COL24A1: variants seen among roughly 807,000 people sequenced by gnomAD.
COL24A1 encodes the protein collagen alpha-1(XXIV) chain.
A neutral mutation model predicts 253.9 loss-of-function variants in COL24A1; 224 were observed. The ratio of observed to expected loss-of-function variants is 0.88; its 90% CI spans 0.79 to 0.99. The LOEUF is 0.99. Ranked by LOEUF, COL24A1 falls within the 50% of genes least tolerant of loss-of-function variation. The pLI, the probability that COL24A1 is intolerant of heterozygous loss-of-function variation, is 0.00. For missense variants in COL24A1, 2,131 were observed against 2,068.5 expected (o/e 1.03, Z -0.59); for synonymous variants, 685 against 673.7 (o/e 1.02, Z -0.26).
chr1:85,896,535 GC>G lies in COL24A1; in HGVS notation c.2779-127del. The G allele has an allele frequency of 5.3e-6, 4 of 755,886 alleles. No individual in the cohort carries two copies. In the Middle Eastern group the frequency reaches 1.1e-3, roughly 203 times the overall value. The allele number at this position is 755,886 out of a possible 1,614,324, so 46.8% of individuals were successfully genotyped here. On this transcript the variant is annotated intron_variant, in intron 28 of 59. Transcript: ENST00000370571. ...TTTTGAGACGGAGTCTCACTCTGTCGCCCAGGCTGGAGTGCAGTGGCGCGTC... is the reference window on the plus strand; with the variant it reads ...TTTTGAGACGGAGTCTCACTCTGTCGCCAGGCTGGAGTGCAGTGGCGCGTC...
rs528032845 is a variant in COL24A1 at position 85,870,587 on chromosome 1, C to T, written c.3139-1752G>A. Among the ~76,000 whole-genome samples the T allele has an allele frequency of 5.3e-5, 8 of 152,278 alleles. No individual in the cohort carries two copies. In the East Asian group the frequency reaches 1.5e-3, roughly 29 times the overall value. On this transcript the variant is annotated intron_variant, in intron 35 of 59. Transcript: ENST00000370571. Reference sequence around the variant, plus strand: ...CACATGGAAACTGAACAACCTGCTCCTGAATGACTACTGGGTACATAACGA... The same window carrying T: ...CACATGGAAACTGAACAACCTGCTCTTGAATGACTACTGGGTACATAACGA...
chr1:85,869,519 C>A (rs1680181391), intron 35 of COL24A1, among the ~76,000 whole-genome samples: 1 of 152,172 alleles, frequency 6.6e-6, no homozygotes, highest in Non-Finnish European at 1.5e-5. Context: ...CTCTAGAAGC[C>A]AGAAGAGAGT....
rs545539994 is a variant in COL24A1 at position 85,783,535 on chromosome 1, A to G, written c.4245T>C (p.Ile1415=). ...GPKGPEGDAG[I]VGISGPKGPI... ...GACCTTTAGGACCTGATATCCCAAC[A>G]ATGCCAGCATCCCCTTCAGGACCCT... The change falls in exon 51 of 60, where the codon ATT becomes ATC. Residue 1415 remains isoleucine, a synonymous_variant. Transcript: ENST00000370571. The G allele has an allele frequency of 1.2e-6, 2 of 1,613,510 alleles. No individual in the cohort carries two copies. The highest frequency in any genetic ancestry group is 4.5e-5 in the East Asian group (2 of 44,838).
intron 43 of COL24A1, among the ~76,000 whole-genome samples, chr1:85,837,419 C>T (rs975748850): frequency 7.9e-5 from 12 of 152,260 alleles, no homozygotes; most frequent in Admixed American, 4.6e-4. Flanking sequence ...ATCATCTTGT[C>T]CATTTAGTTT....
At chr1:85,951,130 T>A (rs1241493647) in intron 24 of COL24A1, among the ~76,000 whole-genome samples, 1 of 152,216 alleles carries the variant, frequency 6.6e-6, no homozygotes, top group Non-Finnish European at 1.5e-5. Flanking sequence ...AAATAAATTT[T>A]AAAAATTACC....
chr1:85,769,733 C>T (rs1310445595), intron 53 of COL24A1, among the ~76,000 whole-genome samples: 1 of 152,110 alleles, frequency 6.6e-6, no homozygotes, highest in Non-Finnish European at 1.5e-5. Flanking sequence ...ACATAGGTTC[C>T]CCCAGATCCT....
At chr1:85,926,245 A>T (rs1382411398) in intron 24 of COL24A1, among the ~76,000 whole-genome samples, 3 of 152,248 alleles carry the variant, frequency 2.0e-5, no homozygotes, top group African/African-American at 7.2e-5. Flanking sequence ...AACTAGTTCA[A>T]CCATTGTGGA....
intron 12 of COL24A1, among the ~76,000 whole-genome samples, chr1:86,038,804 A>G (rs1180985628): frequency 6.6e-6 from 1 of 152,052 alleles, no homozygotes; most frequent in Non-Finnish European, 1.5e-5. Flanking sequence ...CCCATCAACA[A>G]CTAGCACCAA....
chr1:86,083,093 C>T lies in COL24A1; in HGVS notation c.1707+6081G>A, dbSNP rs1255765566. ...CGGGCGAATCATGAGGTCAGGAAAT[C>T]GAGACCATTCTGGCTAACACGGTGA... is the stretch of plus-strand genomic sequence containing the variant. On this transcript the variant is annotated intron_variant, in intron 7 of 59. Transcript: ENST00000370571. 4.6e-5 allele frequency among the ~76,000 whole-genome samples: 7 copies of T among 151,916 alleles called. No homozygotes were observed. In the South Asian group the frequency reaches 1.2e-3, roughly 27 times the overall value.
chr1:86,156,124 T>C, intron 1 of COL24A1: 1 of 484,798 alleles, frequency 2.1e-6, no homozygotes, highest in East Asian at 3.5e-5. Context: ...CGCTTTAGCA[T>C]AAACTGTCTG....
intron 2 of COL24A1, among the ~76,000 whole-genome samples, chr1:86,128,116 A>G (rs1648597497): frequency 6.6e-6 from 1 of 152,054 alleles, no homozygotes; most frequent in Non-Finnish European, 1.5e-5. Flanking sequence ...GAGGCCCCAC[A>G]TAATCAACAA....
At chr1:86,035,900 T>C (rs907603655) in intron 12 of COL24A1, among the ~76,000 whole-genome samples, 1 of 151,946 alleles carries the variant, frequency 6.6e-6, no homozygotes, top group African/African-American at 2.4e-5. Context: ...TCCCTCAAAA[T>C]GAGTAATTTT....
chr1:85,955,555 C>A (rs764457852), intron 24 of COL24A1, among the ~76,000 whole-genome samples: 19 of 152,350 alleles, frequency 1.2e-4, no homozygotes, highest in Middle Eastern at 3.4e-3. Context: ...GGGATTGGAG[C>A]CCCAAAATGC....
At chr1:85,938,803 A>G (rs896772425) in intron 24 of COL24A1, among the ~76,000 whole-genome samples, 3 of 118,236 alleles carry the variant, frequency 2.5e-5, no homozygotes, top group African/African-American at 9.0e-5. Flanking sequence ...TGGTCCATAT[A>G]CAGTGACTGC....
Position 86,037,985 on chromosome 1 carries a change from A to C in COL24A1, c.1951-4062T>G, listed in dbSNP as rs1699164122. Among the ~76,000 whole-genome samples the C allele has an allele frequency of 2.0e-5, 3 of 152,178 alleles. No individual in the cohort carries two copies. In the South Asian group the frequency reaches 6.2e-4, roughly 32 times the overall value. On this transcript the variant is annotated intron_variant, in intron 12 of 59. Coordinates refer to ENST00000370571, the MANE Select transcript of COL24A1 (RefSeq NM_152890.7). ...AAAAAGTATTACAATTTTTATATTT[A>C]CTTTTTTGAAAATTTGACTTTATCT... is the stretch of plus-strand genomic sequence containing the variant.
intron 37 of COL24A1, among the ~76,000 whole-genome samples, chr1:85,866,764 A>G (rs188763): frequency 0.41 from 62,512 of 151,780 alleles, 13,359 homozygotes; most frequent in South Asian, 0.59. Flanking sequence ...ACAGAGTGAG[A>G]CTCTATCTCA....
intron 47 of COL24A1, among the ~76,000 whole-genome samples, chr1:85,791,049 A>G (rs313719): frequency 0.27 from 41,189 of 152,060 alleles, 6,658 homozygotes; most frequent in East Asian, 0.51. Flanking sequence ...ATTAAATCAC[A>G]TAGCAAAAAT....
intron 7 of COL24A1, among the ~76,000 whole-genome samples, chr1:86,080,689 A>G (rs1301804053): frequency 6.6e-6 from 1 of 152,136 alleles, no homozygotes; most frequent in East Asian, 1.9e-4. Flanking sequence ...CAAAAATTTG[A>G]GCCCTAAAAA....
At chr1:85,858,744 T>C (rs1469464054) in intron 37 of COL24A1, among the ~76,000 whole-genome samples, 1 of 150,700 alleles carries the variant, frequency 6.6e-6, no homozygotes, top group African/African-American at 2.4e-5. Flanking sequence ...TTTCCTTTCC[T>C]TCTTTTCTTT....
Sources: gnomAD v4.1 joint callset for allele counts (sites outside exome capture counted in the v4.1 genomes callset) on GRCh38, gnomAD v4.1.1 for gene constraint, MANE v1.5 for transcripts, NCBI Gene and HGNC (gene_info 2026-07-23, HGNC 2026-07-21) for gene names.